The following SLC46A2 variants were observed in gnomAD, a reference collection of about 807,000 sequenced individuals.
The protein encoded by SLC46A2 is thymic stromal co-transporter.
In SLC46A2, 25 loss-of-function variants were observed where a neutral mutation model predicts 33.1. That is an observed-to-expected ratio of 0.76 (90% CI 0.55 to 1.06). SLC46A2 has a LOEUF of 1.06. Among genes scored for constraint, SLC46A2 ranks in the 50% least tolerant of loss-of-function variants. The probability of loss-of-function intolerance (pLI) is 0.00; values close to 1 mark genes in which losing one functional copy is unlikely to be tolerated. For missense variants in SLC46A2, 622 were observed against 621.7 expected (o/e 1.00, Z 0.00); for synonymous variants, 254 against 275.9 (o/e 0.92, Z 0.79).
chr9:112,888,665 C>A (rs1282844856), intron 1 of SLC46A2, among the ~76,000 whole-genome samples: 1 of 152,200 alleles, frequency 6.6e-6, no homozygotes, highest in Non-Finnish European at 1.5e-5. Context: ...TCTATTGGAG[C>A]ATTCATCTCG....
intron 3 of SLC46A2, among the ~76,000 whole-genome samples, chr9:112,883,504 ATTGT>A (rs148693420): frequency 0.011 from 1,641 of 151,136 alleles, 29 homozygotes; most frequent in African/African-American, 0.032. Flanking sequence ...ACCATAAAGG[ATTGT>A]TTGGGAAGAT....
intron 1 of SLC46A2, among the ~76,000 whole-genome samples, chr9:112,888,788 A>G (rs1841680353): frequency 6.6e-6 from 1 of 151,852 alleles, no homozygotes; most frequent in Non-Finnish European, 1.5e-5. Context: ...ATTTTAATGC[A>G]TTTTTAAAAA....
intron 1 of SLC46A2, among the ~76,000 whole-genome samples, 182 bp downstream of exon 1, chr9:112,889,367 ATAAT>A (rs1236906290): frequency 6.6e-6 from 1 of 152,120 alleles, no homozygotes; most frequent in Non-Finnish European, 1.5e-5. Context: ...CTCAATATAG[ATAAT>A]TAATTAACAA....
At chr9:112,889,509 A>G in intron 1 of SLC46A2, 44 bp downstream of exon 1, 2 of 1,552,690 alleles carry the variant, frequency 1.3e-6, no homozygotes, top group Admixed American at 1.9e-5. Flanking sequence ...CCCATGATGC[A>G]GAGGGCTAGC....
intron 1 of SLC46A2, among the ~76,000 whole-genome samples, chr9:112,888,055 A>G (rs1270656103): frequency 6.6e-6 from 1 of 152,050 alleles, no homozygotes; most frequent in African/African-American, 2.4e-5. Flanking sequence ...AGGCGGGTGG[A>G]TCATCTGAGG....
intron 2 of SLC46A2, 39 bp downstream of exon 2, chr9:112,887,291 C>G: frequency 6.3e-7 from 1 of 1,594,850 alleles, no homozygotes; most frequent in Non-Finnish European, 8.6e-7. Flanking sequence ...TGAAACAGCC[C>G]GGGCAGAAGA....
Position 112,890,209 on chromosome 9 carries a change from G to T in SLC46A2, c.473C>A (p.Ala158Glu). ...CTCGGAGGAGCCCAGCGATCCCAGCGCCATGACCCCGGACCAGAAGGCGGA... is the reference window on the plus strand; with the variant it reads ...CTCGGAGGAGCCCAGCGATCCCAGCTCCATGACCCCGGACCAGAAGGCGGA... ...GFSAFWSGVMALGSLGSSEGR... is the reference protein window; with the variant it reads ...GFSAFWSGVMELGSLGSSEGR... Residue 158 changes from alanine to glutamate, a missense_variant, in exon 1 of 4, where the codon GCG (alanine) becomes GAG (glutamate). Transcript: ENST00000374228. The surrounding 1 kb of genome is among the most constrained non-coding windows in gnomAD (Gnocchi z 6.0). The T allele has an allele frequency of 6.2e-7, 1 of 1,613,054 alleles. No homozygotes were observed. The highest frequency in any genetic ancestry group is 8.5e-7 in the Non-Finnish European group (1 of 1,179,900).
rs113997864 is a variant in SLC46A2, at chr9:112,890,394, C to T, written c.288G>A (p.Leu96=). 1.1e-3 allele frequency: 1,855 copies of T among 1,614,170 alleles called. 29 individuals carry two copies. In the African/African-American group the frequency reaches 0.022, roughly 19 times the overall value. The change falls in exon 1 of 4, where the codon CTG becomes CTA. Residue 96 remains leucine, a synonymous_variant. Coordinates refer to ENST00000374228, the MANE Select transcript of SLC46A2 (RefSeq NM_033051.4). The surrounding 1 kb of genome is among the most constrained non-coding windows in gnomAD (Gnocchi z 6.0). ...GLSPLLSAYG[L]GWLSDRYHRK... is the part of the protein sequence containing the mutation. ...GGTGGTAGCGGTCGCTGAGCCATCC[C>T]AGCCCGTAGGCGGACAGCAGGGGGG... is the stretch of plus-strand genomic sequence containing the variant.
intron 1 of SLC46A2, among the ~76,000 whole-genome samples, chr9:112,888,589 A>C (rs576075864): frequency 6.6e-6 from 1 of 152,390 alleles, no homozygotes; most frequent in African/African-American, 2.4e-5. Flanking sequence ...CTCAATAGCC[A>C]CATGGAGCCA....
intron 3 of SLC46A2, chr9:112,881,358 C>G (rs1841575198): frequency 6.6e-6 from 1 of 152,244 alleles, no homozygotes; most frequent in Admixed American, 6.5e-5. Context: ...CTTAGATTTC[C>G]CGCCTTCTAT....
At position 112,889,684 on chromosome 9, in the gene SLC46A2, G is replaced by T. The variant is rs752261062; in HGVS notation, c.998C>A (p.Thr333Asn). The change falls in exon 1 of 4, where the codon ACC becomes AAC. Residue 333 changes from threonine (T) to asparagine (N), a missense_variant. Coordinates refer to ENST00000374228, the MANE Select transcript of SLC46A2 (RefSeq NM_033051.4). ...GMAAGYTIFITSFLGVLVFSR... is the reference protein window; with the variant it reads ...GMAAGYTIFINSFLGVLVFSR... ...GAAGACCAGGACACCCAGGAAGCTGGTGATGAAGATGGTGTACCCTGCAGC... is the reference window on the plus strand; with the variant it reads ...GAAGACCAGGACACCCAGGAAGCTGTTGATGAAGATGGTGTACCCTGCAGC... The T allele has an allele frequency of 1.2e-6, 2 of 1,614,128 alleles. No individual in the cohort carries two copies. Among genetic ancestry groups the T allele is most frequent in the East Asian group, 4.5e-5 (2 of 44,882 alleles).
chr9:112,880,045 TG>T, intron 3 of SLC46A2: 1 of 433,956 alleles, frequency 2.3e-6, no homozygotes, highest in Non-Finnish European at 4.2e-6. Flanking sequence ...ATAGAATCTC[TG>T]GGGGCCAGGC....
chr9:112,887,935 G>GTGTGTA (rs1554760049), intron 1 of SLC46A2, among the ~76,000 whole-genome samples: 4 of 142,934 alleles, frequency 2.8e-5, no homozygotes, highest in African/African-American at 1.1e-4. Context: ...GTGTGTGTGT[G>GTGTGTA]TGTGTGTGTG....
intron 3 of SLC46A2, among the ~76,000 whole-genome samples, chr9:112,884,700 A>G (rs1444481796): frequency 6.6e-6 from 1 of 152,222 alleles, no homozygotes; most frequent in East Asian, 1.9e-4. Context: ...CAGTGTGCCT[A>G]AGTGCCTTAC....
chr9:112,889,450 C>G, intron 1 of SLC46A2, 103 bp downstream of exon 1: 1 of 1,292,736 alleles, frequency 7.7e-7, no homozygotes, highest in South Asian at 1.5e-5. Context: ...CAGGTTCAAT[C>G]CCTGGTGCTG....
intron 2 of SLC46A2, among the ~76,000 whole-genome samples, chr9:112,886,900 T>G (rs1469597870): frequency 6.6e-6 from 1 of 152,106 alleles, no homozygotes; most frequent in Non-Finnish European, 1.5e-5. Flanking sequence ...AATTTTTAAT[T>G]TTTTTTGTTT....
intron 3 of SLC46A2, chr9:112,880,494 C>CT (rs1841563463): frequency 6.5e-6 from 1 of 154,268 alleles, no homozygotes; most frequent in Non-Finnish European, 1.5e-5. Context: ...CTTCATCTCC[C>CT]TGTCCCATGA....
intron 3 of SLC46A2, among the ~76,000 whole-genome samples, chr9:112,882,236 A>G (rs530531747): frequency 8.6e-4 from 131 of 152,206 alleles, no homozygotes; most frequent in Non-Finnish European, 1.5e-3. Context: ...CCTCCCAACT[A>G]GCTGGGACTA....
chr9:112,881,673 C>A (rs1026411057), intron 3 of SLC46A2: 1 of 152,228 alleles, frequency 6.6e-6, no homozygotes, highest in Non-Finnish European at 1.5e-5. Flanking sequence ...TTCTTTTTGA[C>A]TGCTGCTTAT....
Sources: allele counts gnomAD v4.1 joint callset (sites outside exome capture counted in the v4.1 genomes callset), GRCh38; gene constraint gnomAD v4.1.1; non-coding constraint Gnocchi (gnomAD v3.1); transcripts MANE v1.5; gene names NCBI Gene and HGNC (gene_info 2026-07-23, HGNC 2026-07-21).